Variants in CTNND2 observed in about 807,000 individuals in gnomAD.
CTNND2 encodes catenin delta 2, also known as catenin delta-2.
CTNND2 carries 22 observed loss-of-function variants against 144.4 expected under a neutral mutation model. That is an observed-to-expected ratio of 0.15 (90% CI 0.11 to 0.22). The LOEUF is 0.22. Ranked by LOEUF, CTNND2 falls within the 10% of genes least tolerant of loss-of-function variation. CTNND2 has a pLI of 1.00. For synonymous variants in CTNND2, 751 were observed against 695.6 expected, an observed-to-expected ratio of 1.08 and a Z score of -1.25; for missense variants, 1,353 against 1,618.8, an observed-to-expected ratio of 0.84 and a Z score of 2.82.
intron 1 of CTNND2, among the ~76,000 whole-genome samples, chr5:11,831,453 G>A (rs1168930559): frequency 1.3e-5 from 2 of 151,980 alleles, no homozygotes; most frequent in East Asian, 3.9e-4. Context: ...TAGATCACGA[G>A]GTCAGGAGAT....
intron 2 of CTNND2, among the ~76,000 whole-genome samples, chr5:11,687,466 A>T (rs1226782407): frequency 6.6e-6 from 1 of 152,164 alleles, no homozygotes; most frequent in Non-Finnish European, 1.5e-5. Context: ...CCAGATTCAA[A>T]ACCTGCTGCC....
intron 12 of CTNND2, among the ~76,000 whole-genome samples, chr5:11,123,899 T>C (rs370711868): frequency 3.9e-5 from 6 of 152,164 alleles, no homozygotes; most frequent in African/African-American, 9.7e-5. Context: ...CCCAGGCTCT[T>C]CCTAACAGGA....
intron 1 of CTNND2, among the ~76,000 whole-genome samples, chr5:11,810,406 A>C (rs1248975370): frequency 6.6e-6 from 1 of 152,208 alleles, no homozygotes; most frequent in African/African-American, 2.4e-5. Flanking sequence ...TTACTTTTTA[A>C]GCTTAATCTT....
intron 1 of CTNND2, among the ~76,000 whole-genome samples, chr5:11,870,086 C>CA (rs1349438123): frequency 6.6e-6 from 1 of 152,104 alleles, no homozygotes; most frequent in East Asian, 1.9e-4. Context: ...CAATGCCTAG[C>CA]AAAAGAGCCC....
At chr5:11,645,135 T>G (rs1782280287) in intron 2 of CTNND2, among the ~76,000 whole-genome samples, 1 of 152,066 alleles carries the variant, frequency 6.6e-6, no homozygotes, top group Non-Finnish European at 1.5e-5. Context: ...CCAGCTAATT[T>G]TTTAACTTTT....
chr5:11,362,776 A>G (rs1413994635), intron 8 of CTNND2, among the ~76,000 whole-genome samples: 1 of 152,202 alleles, frequency 6.6e-6, no homozygotes, highest in Non-Finnish European at 1.5e-5. Flanking sequence ...GTAGGAAAAA[A>G]ACACTTGTTC....
chr5:11,413,392 C>T (rs1013612262), intron 3 of CTNND2, among the ~76,000 whole-genome samples: 13 of 152,096 alleles, frequency 8.5e-5, no homozygotes, highest in African/African-American at 2.9e-4. Context: ...TCAAGAATCA[C>T]CAATTCAAAA....
chr5:11,751,862 C>G (rs1168192106), intron 1 of CTNND2, among the ~76,000 whole-genome samples: 2 of 151,858 alleles, frequency 1.3e-5, no homozygotes, highest in Non-Finnish European at 2.9e-5. Context: ...TCTCCACAGC[C>G]TCACCAGCAT....
intron 17 of CTNND2, among the ~76,000 whole-genome samples, chr5:11,022,355 T>C (rs1742342264): frequency 6.6e-6 from 1 of 152,094 alleles, no homozygotes; most frequent in African/African-American, 2.4e-5. Flanking sequence ...CCCTGTCTCC[T>C]CCCCCATCCT....
At chr5:11,557,927 G>A (rs1456280334) in intron 3 of CTNND2, among the ~76,000 whole-genome samples, 2 of 152,196 alleles carry the variant, frequency 1.3e-5, no homozygotes, top group Admixed American at 6.5e-5. Flanking sequence ...TTAGCCTAGC[G>A]GAAAATTCCA....
intron 2 of CTNND2, 22 bp from the exon 3 acceptor site, chr5:11,565,078 G>A (rs1314582623): frequency 6.5e-7 from 1 of 1,542,116 alleles, no homozygotes; most frequent in Middle Eastern, 1.7e-4. Flanking sequence ...CCATCAACAA[G>A]ATCAATTCAA....
Position 11,817,937 on chromosome 5 carries a change from G to A in CTNND2, c.38-85665C>T, listed in dbSNP as rs527267103. Among the ~76,000 whole-genome samples, 4 of 150,936 alleles carry A rather than the reference G, an allele frequency of 2.7e-5. No homozygotes were observed. The East Asian group carries it at 5.9e-4, about 22-fold the overall frequency. On this transcript the variant is annotated intron_variant, in intron 1 of 21. Transcript: ENST00000304623. ...ACAACTCCAGGCAAAACAATCTCAG[G>A]GGAGTTTCAAAATGCCATGAAGTGA...
intron 13 of CTNND2, among the ~76,000 whole-genome samples, chr5:11,115,619 A>G (rs554010251): frequency 6.6e-6 from 1 of 152,352 alleles, no homozygotes; most frequent in East Asian, 1.9e-4. Context: ...ATGGTCTAAA[A>G]TGGTCACTTA....
At chr5:11,174,589 C>T (rs534081078) in intron 11 of CTNND2, among the ~76,000 whole-genome samples, 3 of 151,922 alleles carry the variant, frequency 2.0e-5, no homozygotes, top group South Asian at 2.1e-4. Context: ...AATACTGAGC[C>T]GCAGTTCCCA....
chr5:11,226,323 C>T (rs1740349947), intron 10 of CTNND2, among the ~76,000 whole-genome samples: 2 of 152,232 alleles, frequency 1.3e-5, no homozygotes, highest in Non-Finnish European at 2.9e-5. Context: ...GCAGCTGCCT[C>T]TCTTCACCCA....
intron 1 of CTNND2, among the ~76,000 whole-genome samples, chr5:11,765,856 A>G (rs1439966388): frequency 6.6e-6 from 1 of 152,260 alleles, no homozygotes; most frequent in Non-Finnish European, 1.5e-5. Flanking sequence ...AATTAAAATA[A>G]TTTTAAATTG....
intron 3 of CTNND2, among the ~76,000 whole-genome samples, chr5:11,506,303 C>T (rs947026964): frequency 1.2e-4 from 19 of 152,106 alleles, no homozygotes; most frequent in East Asian, 3.9e-4. Flanking sequence ...TTAACTAAGA[C>T]GCTTTTTCTT....
chr5:11,703,859 A>C (rs1446497287), intron 2 of CTNND2, among the ~76,000 whole-genome samples: 1 of 152,248 alleles, frequency 6.6e-6, no homozygotes, highest in Non-Finnish European at 1.5e-5. Flanking sequence ...TCTGATCAGA[A>C]TCACTTAGTA....
chr5:11,048,957 C>T (rs1381523884), intron 16 of CTNND2, among the ~76,000 whole-genome samples: 1 of 152,178 alleles, frequency 6.6e-6, no homozygotes, highest in Non-Finnish European at 1.5e-5. Context: ...CAGCTCTGGC[C>T]TCCACCCACT....
Sources: allele counts gnomAD v4.1 joint callset (sites outside exome capture counted in the v4.1 genomes callset), GRCh38; gene constraint gnomAD v4.1.1; transcripts MANE v1.5; gene names NCBI Gene and HGNC (gene_info 2026-07-23, HGNC 2026-07-21).